ADAM12: variants seen among roughly 807,000 people sequenced by gnomAD.
ADAM12 encodes disintegrin and metalloproteinase domain-containing protein 12.
ADAM12 carries 70 observed loss-of-function variants against 106.4 expected under a neutral mutation model. The ratio of observed to expected loss-of-function variants is 0.66; its 90% CI spans 0.54 to 0.80. The LOEUF (loss-of-function observed/expected upper bound fraction) is 0.80. ADAM12 is among the 30% of genes least tolerant of loss of function. The pLI is 0.00. For missense variants in ADAM12, 1,010 were observed against 1,171.9 expected, an observed-to-expected ratio of 0.86 and a Z score of 2.02; for synonymous variants, 420 against 433.5, an observed-to-expected ratio of 0.97 and a Z score of 0.39.
chr10:126,288,718 T>C lies in ADAM12; in HGVS notation c.187-9730A>G, dbSNP rs577413592. Among the ~76,000 whole-genome samples the C allele has an allele frequency of 8.4e-5, 12 of 142,392 alleles. No homozygotes were observed. The South Asian group carries it at 2.4e-3, about 29-fold the overall frequency. The allele number at this position is 142,392 out of a possible 152,430, so 93.4% of individuals were successfully genotyped here. A position where few individuals can be genotyped will look rare whatever the true frequency, so the allele number is the denominator to read the frequency against. ...CCAGGGACAGGACCGTGTGGTGACA[T>C]AGTGGCCCTAGGGACAGGACCGTGT... On this transcript the variant is annotated intron_variant, in intron 2 of 22. Coordinates refer to ENST00000448723, the MANE Select transcript of ADAM12 (RefSeq NM_001288973.2).
At chr10:126,139,515 A>C (rs918644966) in intron 4 of ADAM12, among the ~76,000 whole-genome samples, 3 of 152,216 alleles carry the variant, frequency 2.0e-5, no homozygotes, top group Non-Finnish European at 4.4e-5. Context: ...AATTGCAAAC[A>C]ATGAAAGTGC....
chr10:126,261,566 T>C (rs1243340153), intron 3 of ADAM12, among the ~76,000 whole-genome samples: 1 of 152,162 alleles, frequency 6.6e-6, no homozygotes, highest in Non-Finnish European at 1.5e-5. Flanking sequence ...CGGTGGTGGA[T>C]TTAGGCCTTG....
intron 14 of ADAM12, among the ~76,000 whole-genome samples, chr10:126,052,069 A>G (rs1034094209): frequency 6.6e-6 from 1 of 152,246 alleles, no homozygotes; most frequent in Non-Finnish European, 1.5e-5. Context: ...TCACATAGGT[A>G]ACGAAGGCAG....
intron 3 of ADAM12, among the ~76,000 whole-genome samples, chr10:126,242,664 G>T (rs1345320492): frequency 2.6e-5 from 4 of 152,200 alleles, no homozygotes; most frequent in African/African-American, 7.2e-5. Context: ...TGCTTTATTT[G>T]AGTTGGAATA....
chr10:126,027,319 C>T (rs994462702), intron 21 of ADAM12, among the ~76,000 whole-genome samples: 4 of 152,148 alleles, frequency 2.6e-5, no homozygotes, highest in African/African-American at 9.7e-5. Flanking sequence ...GGTACCATTT[C>T]TACTGAAACT....
At chr10:126,299,585 T>C (rs568785083) in intron 2 of ADAM12, among the ~76,000 whole-genome samples, 1 of 152,302 alleles carries the variant, frequency 6.6e-6, no homozygotes, top group Admixed American at 6.5e-5. Flanking sequence ...GTCACATACA[T>C]GAATGCTCAT....
Position 126,071,529 on chromosome 10 carries a change from C to T in ADAM12, c.1271G>A (p.Cys424Tyr). 1.2e-6 allele frequency: 2 copies of T among 1,614,186 alleles called. No individual in the cohort carries two copies. Among genetic ancestry groups the T allele is most frequent in the Non-Finnish European group, 1.7e-6 (2 of 1,180,046 alleles). ...TCCTTCTTCCACAAATCTGTTCCCA[C>T]ACTTCTGGCCCCCGAAAGACTCCCT... is the stretch of plus-strand genomic sequence containing the variant. Reference protein sequence around the residue: ...EVRESFGGQKCGNRFVEEGEE... With the variant: ...EVRESFGGQKYGNRFVEEGEE... The change falls in exon 12 of 23, where the codon TGT (cysteine) becomes TAT (tyrosine). Residue 424 changes from cysteine to tyrosine, a missense_variant. Transcript: ENST00000448723.
chr10:126,046,202 G>A, intron 16 of ADAM12, 70 bp from the exon 17 acceptor site: 1 of 1,403,668 alleles, frequency 7.1e-7, no homozygotes. Context: ...ATACATACCT[G>A]TATTCAAACA....
chr10:126,266,174 C>T (rs987448166), intron 3 of ADAM12, among the ~76,000 whole-genome samples: 1 of 152,126 alleles, frequency 6.6e-6, no homozygotes, highest in Non-Finnish European at 1.5e-5. Flanking sequence ...GCTCCACAGG[C>T]CTACAGAATT....
chr10:126,114,267 T>C (rs976627125), intron 6 of ADAM12, among the ~76,000 whole-genome samples: 2 of 151,748 alleles, frequency 1.3e-5, no homozygotes, highest in Admixed American at 6.6e-5. Flanking sequence ...GCAAACTGAA[T>C]GTTAATAGGG....
intron 5 of ADAM12, among the ~76,000 whole-genome samples, chr10:126,134,269 T>G (rs1297968153): frequency 2.6e-5 from 4 of 152,254 alleles, no homozygotes; most frequent in African/African-American, 9.6e-5. Flanking sequence ...AATGTGTGTG[T>G]TCACTCAATG....
chr10:126,298,606 T>C (rs1383314385), intron 2 of ADAM12, among the ~76,000 whole-genome samples: 3 of 152,070 alleles, frequency 2.0e-5, no homozygotes, highest in Non-Finnish European at 4.4e-5. Context: ...TCAGAAGCAA[T>C]ATTTGAAGAG....
chr10:126,071,280 T>A (rs151210985), intron 12 of ADAM12, among the ~76,000 whole-genome samples, 197 bp downstream of exon 12: 1 of 152,208 alleles, frequency 6.6e-6, no homozygotes, highest in Non-Finnish European at 1.5e-5. Context: ...AATGAAGTGA[T>A]CACTTATTCC....
chr10:126,040,712 T>A (rs1015833823), intron 18 of ADAM12, among the ~76,000 whole-genome samples: 7 of 152,174 alleles, frequency 4.6e-5, no homozygotes, highest in African/African-American at 1.7e-4. Context: ...TTAATTAAAG[T>A]TAATTTAAAA....
intron 2 of ADAM12, among the ~76,000 whole-genome samples, chr10:126,327,027 G>A (rs966895744): frequency 2.6e-5 from 4 of 152,174 alleles, no homozygotes; most frequent in Non-Finnish European, 5.9e-5. Flanking sequence ...AAAGCACAGC[G>A]GGGCAGGTGA....
chr10:126,094,386 T>C (rs1294023035), intron 10 of ADAM12, among the ~76,000 whole-genome samples: 1 of 152,226 alleles, frequency 6.6e-6, no homozygotes, highest in Non-Finnish European at 1.5e-5. Flanking sequence ...TGATTCTTTA[T>C]GTTTTTACAT....
intron 5 of ADAM12, among the ~76,000 whole-genome samples, chr10:126,130,459 T>C (rs1956284832): frequency 1.3e-5 from 2 of 152,288 alleles, no homozygotes; most frequent in South Asian, 4.2e-4. Context: ...CATTCCCTCT[T>C]GGTGGCTGAC....
intron 1 of ADAM12, among the ~76,000 whole-genome samples, chr10:126,375,992 C>T (rs1302847853): frequency 6.6e-6 from 1 of 151,600 alleles, no homozygotes; most frequent in Middle Eastern, 3.2e-3. Context: ...CCCCCCTCCC[C>T]ACCCCCCAGC....
At chr10:126,330,089 TTAAA>T (rs1409707692) in intron 2 of ADAM12, among the ~76,000 whole-genome samples, 14 of 152,304 alleles carry the variant, frequency 9.2e-5, no homozygotes, top group African/African-American at 3.4e-4. Context: ...TCAATGTTAA[TTAAA>T]TAGACATAAA....
Sources: gnomAD v4.1 joint callset for allele counts (sites outside exome capture counted in the v4.1 genomes callset) on GRCh38, gnomAD v4.1.1 for gene constraint, MANE v1.5 for transcripts, NCBI Gene and HGNC (gene_info 2026-07-23, HGNC 2026-07-21) for gene names.